MYO16: variants seen among roughly 807,000 people sequenced by gnomAD.
MYO16 encodes myosin XVI, also known as unconventional myosin-XVI.
A neutral mutation model predicts 205.3 loss-of-function variants in MYO16; 94 were observed. That is an observed-to-expected ratio of 0.46 (90% confidence interval 0.39 to 0.54). The LOEUF (loss-of-function observed/expected upper bound fraction) is 0.54. Among genes scored for constraint, MYO16 ranks in the 20% least tolerant of loss-of-function variants. The probability of loss-of-function intolerance (pLI) is 0.00; values close to 1 mark genes in which losing one functional copy is unlikely to be tolerated. For missense variants in MYO16, 2,315 were observed against 2,387.5 expected (o/e 0.97, Z 0.63); for synonymous variants, 988 against 954.0 (o/e 1.04, Z -0.66).
the MYO16 span, among the ~76,000 whole-genome samples, chr13:108,545,320 T>C: frequency 6.6e-6 from 1 of 152,220 alleles, no homozygotes. Flanking sequence ...TCCACGTTGC[T>C]GCATAGGACA....
At chr13:108,777,848 A>G (rs907534789) in intron 4 of MYO16, among the ~76,000 whole-genome samples, 1 of 152,128 alleles carries the variant, frequency 6.6e-6, no homozygotes, top group Non-Finnish European at 1.5e-5. Context: ...ATACCTTCAT[A>G]CCTGGGGAAT....
chr13:108,642,868 A>G (rs1489706761), intron 1 of MYO16, among the ~76,000 whole-genome samples: 7 of 152,180 alleles, frequency 4.6e-5, no homozygotes, highest in Non-Finnish European at 5.9e-5. Flanking sequence ...AAAAATGTTC[A>G]TTATGACAGC....
At chr13:108,760,397 AC>A (rs1885567067) in intron 4 of MYO16, among the ~76,000 whole-genome samples, 1 of 152,028 alleles carries the variant, frequency 6.6e-6, no homozygotes, top group Non-Finnish European at 1.5e-5. Flanking sequence ...TGCTTCTGTT[AC>A]TTTTAGAAAA....
At chr13:108,591,445 T>TA (rs11318246), upstream of MYO16, among the ~76,000 whole-genome samples, 2,169 of 150,152 alleles carry the variant, frequency 0.014, 17 homozygotes, top group Non-Finnish European at 0.023. Flanking sequence ...CTCTTTAAAA[T>TA]AAAAAAAAAA....
intron 4 of MYO16, among the ~76,000 whole-genome samples, chr13:108,758,611 A>G (rs1304348576): frequency 1.3e-5 from 2 of 152,188 alleles, no homozygotes; most frequent in Non-Finnish European, 2.9e-5. Context: ...TTTTGACTCC[A>G]TTAGAAGAAC....
At chr13:108,613,253 G>A (rs961764607) in intron 1 of MYO16, among the ~76,000 whole-genome samples, 4 of 152,118 alleles carry the variant, frequency 2.6e-5, no homozygotes, top group African/African-American at 9.7e-5. Context: ...TAATCTTTCT[G>A]GATTTGACAT....
chr13:109,169,405 A>G (rs1269135460), intron 33 of MYO16, among the ~76,000 whole-genome samples: 1 of 152,230 alleles, frequency 6.6e-6, no homozygotes, highest in Admixed American at 6.5e-5. Flanking sequence ...GGAAGGAAAG[A>G]GAAAGTTGTT....
At chr13:108,552,448 CTT>C in the MYO16 span, among the ~76,000 whole-genome samples, 1 of 152,134 alleles carries the variant, frequency 6.6e-6, no homozygotes, top group South Asian at 2.1e-4. Context: ...CACTCACTCT[CTT>C]CTCGGCTCTG....
the MYO16 span, among the ~76,000 whole-genome samples, chr13:108,573,032 A>G: frequency 6.6e-6 from 1 of 152,222 alleles, no homozygotes; most frequent in Non-Finnish European, 1.5e-5. Context: ...GATGAGACAC[A>G]AGTCTAAGCG....
At chr13:108,620,872 T>G (rs1025782543) in intron 1 of MYO16, among the ~76,000 whole-genome samples, 3 of 152,160 alleles carry the variant, frequency 2.0e-5, no homozygotes, top group Middle Eastern at 3.2e-3. Context: ...CTCCTCTGCA[T>G]TAAAAGCTTC....
intron 14 of MYO16, among the ~76,000 whole-genome samples, chr13:108,894,383 T>A (rs1241470551): frequency 6.6e-6 from 1 of 152,184 alleles, no homozygotes; most frequent in Admixed American, 6.5e-5. Flanking sequence ...TTGATAATAA[T>A]GGCATCATTG....
chr13:109,000,025 TC>T (rs1885161620), intron 21 of MYO16, among the ~76,000 whole-genome samples: 2 of 152,334 alleles, frequency 1.3e-5, no homozygotes, highest in East Asian at 3.9e-4. Flanking sequence ...TGGAGGTGTA[TC>T]TTTTTCATTG....
At chr13:108,912,895 A>G (rs1358919687) in intron 16 of MYO16, among the ~76,000 whole-genome samples, 1 of 152,148 alleles carries the variant, frequency 6.6e-6, no homozygotes, top group Non-Finnish European at 1.5e-5. Flanking sequence ...ACTGATGAAG[A>G]AAAAGGAATA....
intron 32 of MYO16, among the ~76,000 whole-genome samples, chr13:109,158,905 A>T (rs1271049681): frequency 6.6e-6 from 1 of 152,192 alleles, no homozygotes; most frequent in Non-Finnish European, 1.5e-5. Context: ...ATAGGGGTGC[A>T]TGGAAGCCCC....
chr13:108,855,356 A>T, intron 10 of MYO16, 87 bp from the exon 11 acceptor site: 1 of 623,268 alleles, frequency 1.6e-6, no homozygotes, highest in Non-Finnish European at 2.6e-6. Flanking sequence ...CAAATGTTTG[A>T]CAGGTAATTG....
intron 29 of MYO16, among the ~76,000 whole-genome samples, chr13:109,121,848 A>C (rs1206752295): frequency 6.6e-6 from 1 of 152,232 alleles, no homozygotes; most frequent in Non-Finnish European, 1.5e-5. Context: ...CTCTTGGTAA[A>C]GGAGGCATCA....
At chr13:108,898,262 G>C (rs145249092) in intron 15 of MYO16, 129 bp downstream of exon 15, 20 of 730,302 alleles carry the variant, frequency 2.7e-5, no homozygotes, top group Middle Eastern at 2.4e-4. Flanking sequence ...CTTCATGACC[G>C]TGTCTGGAAA....
chr13:108,794,558 C>T (rs1886725197), intron 6 of MYO16, among the ~76,000 whole-genome samples: 1 of 152,094 alleles, frequency 6.6e-6, no homozygotes, highest in Admixed American at 6.5e-5. Flanking sequence ...TTTCTAAATT[C>T]AAGCAAACTC....
intron 16 of MYO16, among the ~76,000 whole-genome samples, chr13:108,930,563 C>T (rs1431554640): frequency 2.0e-5 from 3 of 152,018 alleles, no homozygotes; most frequent in African/African-American, 4.8e-5. Context: ...GGATGATAAA[C>T]GTCACTTCCC....
Sources: gnomAD v4.1 joint callset for allele counts (sites outside exome capture counted in the v4.1 genomes callset) on GRCh38, gnomAD v4.1.1 for gene constraint, MANE v1.5 for transcripts, NCBI Gene and HGNC (gene_info 2026-07-23, HGNC 2026-07-21) for gene names.